Variants in GAB2 observed in about 807,000 individuals in gnomAD.
GAB2 encodes the protein GRB2-associated-binding protein 2.
Under a neutral mutation model 65.5 loss-of-function variants are expected in GAB2, and 26 were observed. That is an observed-to-expected ratio of 0.40 (90% CI 0.29 to 0.55). GAB2 has a LOEUF of 0.55. Ranked by LOEUF, GAB2 falls within the 20% of genes least tolerant of loss-of-function variation. GAB2 has a pLI of 0.53. For synonymous variants in GAB2, 321 were observed against 329.6 expected (o/e 0.97, Z 0.28); for missense variants, 884 against 875.8 (o/e 1.01, Z -0.12).
In GAB2 at chr11:78,226,619, G is replaced by GGGGGGGGGGGGGGCC; in HGVS notation, c.1052_1053insGGCCCCCCCCCCCCC (p.Pro351_Pro352insAlaProProProPro). On this transcript the variant is annotated inframe_insertion, in exon 4 of 10. Coordinates refer to ENST00000361507, the MANE Select transcript of GAB2 (RefSeq NM_080491.3). ...GACTTGGCTTGGGGGGGCGGGGTGG[G>GGGGGGGGGGGGGGCC]GGAGCTATGGCTGAGTCCCCAGGAG... 2.1e-6 allele frequency: 2 copies of GGGGGGGGGGGGGGCC among 952,182 alleles called. No individual in the cohort carries two copies. The highest frequency in any genetic ancestry group is 3.2e-6 in the Non-Finnish European group (2 of 620,368). 59.0% of individuals were successfully genotyped at this position (952,182 alleles called of 1,614,324 possible).
intron 2 of GAB2, among the ~76,000 whole-genome samples, chr11:78,274,878 C>G (rs1010058112): frequency 2.6e-5 from 4 of 152,190 alleles, no homozygotes; most frequent in Non-Finnish European, 5.9e-5. Context: ...GGGACAAAAA[C>G]ACAGCACATT....
At chr11:78,401,832 GC>G (rs1856977545) in intron 1 of GAB2, among the ~76,000 whole-genome samples, 1 of 152,150 alleles carries the variant, frequency 6.6e-6, no homozygotes, top group South Asian at 2.1e-4. Context: ...CAGGAGACTG[GC>G]CTTGAACTGG....
intron 1 of GAB2, among the ~76,000 whole-genome samples, chr11:78,304,627 A>G (rs1855313259): frequency 6.6e-6 from 1 of 152,236 alleles, no homozygotes; most frequent in Admixed American, 6.5e-5. Context: ...CCAAGTTATT[A>G]AAAGTTTTTA....
intron 3 of GAB2, among the ~76,000 whole-genome samples, chr11:78,244,211 G>C (rs1865225708): frequency 1.3e-5 from 2 of 152,056 alleles, no homozygotes; most frequent in South Asian, 4.1e-4. Flanking sequence ...GGCTAATGTG[G>C]TAAAATCCTG....
intron 1 of GAB2, among the ~76,000 whole-genome samples, chr11:78,303,495 T>A (rs986523120): frequency 1.3e-5 from 2 of 152,208 alleles, no homozygotes; most frequent in African/African-American, 4.8e-5. Context: ...TAGGCCTATT[T>A]CTAGACTTCC....
At chr11:78,271,232 C>T (rs1866002178) in intron 2 of GAB2, among the ~76,000 whole-genome samples, 1 of 152,206 alleles carries the variant, frequency 6.6e-6, no homozygotes, top group South Asian at 2.1e-4. Context: ...CTTGGATCCG[C>T]CTGCCTATAA....
chr11:78,345,089 G>A (rs75613238), intron 1 of GAB2, among the ~76,000 whole-genome samples: 13,013 of 152,198 alleles, frequency 0.086, 1,724 homozygotes, highest in African/African-American at 0.29. Flanking sequence ...AGACCAGCCC[G>A]CGCAACATGG....
At chr11:78,391,024 C>G (rs1431968650) in intron 1 of GAB2, among the ~76,000 whole-genome samples, 1 of 152,184 alleles carries the variant, frequency 6.6e-6, no homozygotes, top group African/African-American at 2.4e-5. Context: ...GATTAGGAAG[C>G]TGACCTTTGA....
intron 1 of GAB2, among the ~76,000 whole-genome samples, chr11:78,383,492 C>T (rs187227449): frequency 1.6e-4 from 24 of 149,422 alleles, no homozygotes; most frequent in Middle Eastern, 3.4e-3. Context: ...CGTATGTAAT[C>T]CTAATACTTT....
chr11:78,249,106 G>T (rs1414801632), intron 3 of GAB2, among the ~76,000 whole-genome samples: 1 of 152,160 alleles, frequency 6.6e-6, no homozygotes, highest in Admixed American at 6.5e-5. Context: ...CAAAAGTAGG[G>T]TAGCATAGTG....
chr11:78,400,332 G>A (rs1052041095), intron 1 of GAB2, among the ~76,000 whole-genome samples: 2 of 152,250 alleles, frequency 1.3e-5, no homozygotes, highest in Admixed American at 1.3e-4. Flanking sequence ...CACGCAACTT[G>A]GTGCCTGGAT....
chr11:78,352,895 C>A (rs1385588864), intron 1 of GAB2, among the ~76,000 whole-genome samples: 2 of 152,192 alleles, frequency 1.3e-5, no homozygotes, highest in Non-Finnish European at 2.9e-5. Context: ...GCTAAAAGTT[C>A]TCCTGACCTG....
At chr11:78,355,468 A>G (rs529884747) in intron 1 of GAB2, among the ~76,000 whole-genome samples, 1 of 152,300 alleles carries the variant, frequency 6.6e-6, no homozygotes, top group African/African-American at 2.4e-5. Context: ...ACTCTGACCC[A>G]TGTATCAGTG....
intron 1 of GAB2, among the ~76,000 whole-genome samples, chr11:78,308,859 C>A (rs1855427694): frequency 6.6e-6 from 1 of 152,004 alleles, no homozygotes; most frequent in African/African-American, 2.4e-5. Context: ...TGGGTGTTTC[C>A]TTTATAGTAC....
At chr11:78,248,005 A>C (rs116081942) in intron 3 of GAB2, among the ~76,000 whole-genome samples, 2,397 of 152,330 alleles carry the variant, frequency 0.016, 65 homozygotes, top group African/African-American at 0.055. Flanking sequence ...GTAAAGTTCT[A>C]TCTCTTCTAC....
At chr11:78,410,804 A>C (rs1001805556) in intron 1 of GAB2, among the ~76,000 whole-genome samples, 5 of 152,204 alleles carry the variant, frequency 3.3e-5, no homozygotes, top group Non-Finnish European at 7.3e-5. Flanking sequence ...CAGATGGTTT[A>C]ATCTGGAGAA....
intron 1 of GAB2, chr11:78,388,289 A>T (rs897595145): frequency 3.9e-5 from 6 of 152,150 alleles, no homozygotes; most frequent in Admixed American, 2.6e-4. Flanking sequence ...TCAGCCTCCC[A>T]ACGTGCTAAG....
chr11:78,358,439 TATAATA>T (rs201503823), intron 1 of GAB2, among the ~76,000 whole-genome samples: 1,686 of 117,294 alleles, frequency 0.014, 26 homozygotes, highest in African/African-American at 0.042. Context: ...GAACTTAAAA[TATAATA>T]ATAATAATAA....
At chr11:78,222,979 A>G (rs961071303) in intron 6 of GAB2, among the ~76,000 whole-genome samples, 1 of 152,182 alleles carries the variant, frequency 6.6e-6, no homozygotes, top group African/African-American at 2.4e-5. Context: ...GGAGGAAGGT[A>G]GATGCCATAA....
Sources: allele counts gnomAD v4.1 joint callset (sites outside exome capture counted in the v4.1 genomes callset), GRCh38; gene constraint gnomAD v4.1.1; transcripts MANE v1.5; gene names NCBI Gene and HGNC (gene_info 2026-07-23, HGNC 2026-07-21).